CNTN4: variants seen among roughly 807,000 people sequenced by gnomAD.
CNTN4 encodes the protein contactin-4.
CNTN4 carries 77 observed loss-of-function variants against 122.5 expected under a neutral mutation model. That is an observed-to-expected ratio of 0.63 (90% CI 0.52 to 0.76). The LOEUF (loss-of-function observed/expected upper bound fraction) is 0.76. CNTN4 is among the 30% of genes least tolerant of loss of function. The pLI is 0.00. For missense variants in CNTN4, 1,256 were observed against 1,259.1 expected (o/e 1.00, Z 0.04); for synonymous variants, 512 against 447.0 (o/e 1.15, Z -1.83).
chr3:2,533,634 C>A (rs1321994750), intron 3 of CNTN4, among the ~76,000 whole-genome samples: 1 of 152,154 alleles, frequency 6.6e-6, no homozygotes, highest in Non-Finnish European at 1.5e-5. Context: ...GATTTATAAT[C>A]CTTTGGGTAT....
chr3:2,827,677 A>G (rs35057543), intron 7 of CNTN4, among the ~76,000 whole-genome samples: 5,877 of 152,304 alleles, frequency 0.039, 168 homozygotes, highest in Non-Finnish European at 0.062. Flanking sequence ...AAGACTTTAC[A>G]GTTAAGGTAA....
chr3:2,902,805 A>G lies in CNTN4; in HGVS notation c.1078-71A>G, dbSNP rs569827054. 69 of 1,511,376 alleles carry G rather than the reference A, an allele frequency of 4.6e-5. No homozygotes were observed. The African/African-American group carries it at 8.2e-4, about 18-fold the overall frequency. The allele number at this position is 1,511,376 out of a possible 1,614,324, so 93.6% of individuals were successfully genotyped here. ...TCCCATTAAGCTTCCTTGATATTAC[A>G]CATGGTAAAATTGCCTTAAAGTCTC... On this transcript the variant is annotated intron_variant, in intron 11 of 24. Coordinates refer to ENST00000418658, the MANE Select transcript of CNTN4 (RefSeq NM_175607.3).
At chr3:3,049,334 C>A (rs1370493567) in intron 23 of CNTN4, among the ~76,000 whole-genome samples, 2 of 152,226 alleles carry the variant, frequency 1.3e-5, no homozygotes, top group Non-Finnish European at 2.9e-5. Flanking sequence ...CCGCCTGCCT[C>A]AGCCTCCCAA....
At chr3:2,363,747 C>G (rs1377625354) in intron 3 of CNTN4, among the ~76,000 whole-genome samples, 1 of 152,164 alleles carries the variant, frequency 6.6e-6, no homozygotes, top group Non-Finnish European at 1.5e-5. Flanking sequence ...TAGAGAATAA[C>G]TGGTCAGCAT....
rs147335540 is a variant in CNTN4 at position 2,596,984 on chromosome 3, C to T, written c.55+25426C>T. On this transcript the variant is annotated intron_variant, in intron 4 of 24. Coordinates refer to ENST00000418658, the MANE Select transcript of CNTN4 (RefSeq NM_175607.3). ...ATTTTTTTTTTAAATTTGAGTTTCT[C>T]TGGCTTCTGCACATAGCCCATATAA... Among the ~76,000 whole-genome samples the T allele has an allele frequency of 1.6e-3, 243 of 152,088 alleles. 1 individual carries two copies. Among genetic ancestry groups the T allele is most frequent in the African/African-American group, 5.8e-3 (241 of 41,484 alleles).
intron 2 of CNTN4, among the ~76,000 whole-genome samples, chr3:2,128,018 A>G (rs1167118392): frequency 6.6e-6 from 1 of 152,212 alleles, no homozygotes; most frequent in Non-Finnish European, 1.5e-5. Context: ...ACCCTAATTT[A>G]TGTTTCAAAC....
chr3:2,728,726 A>C (rs2088423319), intron 4 of CNTN4, among the ~76,000 whole-genome samples: 1 of 152,330 alleles, frequency 6.6e-6, no homozygotes, highest in South Asian at 2.1e-4. Context: ...CCCAGGTACA[A>C]CTCATATCTA....
chr3:2,254,697 A>C (rs1197571883), intron 2 of CNTN4, among the ~76,000 whole-genome samples: 2 of 152,120 alleles, frequency 1.3e-5, no homozygotes, highest in East Asian at 3.9e-4. Context: ...TCTTTTGAGA[A>C]GTGTCTGTTC....
intron 15 of CNTN4, among the ~76,000 whole-genome samples, chr3:3,026,673 C>T (rs1698750376): frequency 6.6e-6 from 1 of 152,066 alleles, no homozygotes; most frequent in Admixed American, 6.6e-5. Context: ...GGATAGTTTC[C>T]TTCTGTTTTT....
intron 6 of CNTN4, among the ~76,000 whole-genome samples, chr3:2,745,975 CTG>C (rs1198015454): frequency 1.3e-5 from 2 of 151,736 alleles, no homozygotes; most frequent in African/African-American, 4.8e-5. Flanking sequence ...AATTCACACA[CTG>C]AGATTGACAC....
intron 2 of CNTN4, among the ~76,000 whole-genome samples, chr3:2,311,838 G>A (rs1173339817): frequency 2.0e-5 from 3 of 151,998 alleles, no homozygotes; most frequent in Non-Finnish European, 2.9e-5. Context: ...AAGCAATTAC[G>A]TTTCCTTCTT....
intron 2 of CNTN4, among the ~76,000 whole-genome samples, chr3:2,212,048 A>G (rs2038645036): frequency 6.6e-6 from 1 of 152,112 alleles, no homozygotes; most frequent in African/African-American, 2.4e-5. Context: ...ATCACAGCTC[A>G]CTGTAACCGC....
chr3:2,102,996 G>A (rs28642059), intron 2 of CNTN4, among the ~76,000 whole-genome samples: 178 of 150,874 alleles, frequency 1.2e-3, no homozygotes, highest in African/African-American at 4.2e-3. Flanking sequence ...CATACATAAT[G>A]CTTACTATTA....
intron 13 of CNTN4, among the ~76,000 whole-genome samples, chr3:2,938,558 C>T (rs1156456392): frequency 6.6e-6 from 1 of 152,140 alleles, no homozygotes; most frequent in Non-Finnish European, 1.5e-5. Flanking sequence ...ACCAGGTTTG[C>T]CTGAGGAAGG....
chr3:2,873,107 G>C (rs2093804858), intron 8 of CNTN4, among the ~76,000 whole-genome samples: 1 of 152,180 alleles, frequency 6.6e-6, no homozygotes, highest in Non-Finnish European at 1.5e-5. Flanking sequence ...AAGAGGGCAA[G>C]TAAAGGGATT....
chr3:2,578,774 C>A (rs896243872), intron 4 of CNTN4, among the ~76,000 whole-genome samples: 1 of 152,080 alleles, frequency 6.6e-6, no homozygotes, highest in Non-Finnish European at 1.5e-5. Flanking sequence ...GCTCTACGCT[C>A]TCTCATAACT....
At chr3:2,215,986 C>T (rs550708446) in intron 2 of CNTN4, among the ~76,000 whole-genome samples, 4 of 150,882 alleles carry the variant, frequency 2.7e-5, no homozygotes, top group Non-Finnish European at 4.4e-5. Flanking sequence ...GGCAATTCCT[C>T]AAAGAACTAA....
chr3:2,725,370 C>T (rs374397919), intron 4 of CNTN4, among the ~76,000 whole-genome samples: 3 of 152,126 alleles, frequency 2.0e-5, no homozygotes, highest in Non-Finnish European at 4.4e-5. Flanking sequence ...GGAAAGGCCA[C>T]GGAATCCTAT....
rs368621934 is a variant in CNTN4, at chr3:2,735,688, G to A, written c.56-527G>A. On this transcript the variant is annotated intron_variant, in intron 4 of 24. Coordinates refer to ENST00000418658, the MANE Select transcript of CNTN4 (RefSeq NM_175607.3). ...AATGTGAGAATAAAGACTGTAGGTT[G>A]TTCTTTATTTGCATACATAGTCATT... 7.9e-5 allele frequency among the ~76,000 whole-genome samples: 12 copies of A among 152,244 alleles called. No homozygotes were observed. The South Asian group carries it at 2.5e-3, about 32-fold the overall frequency.
Sources: allele counts gnomAD v4.1 joint callset (sites outside exome capture counted in the v4.1 genomes callset), GRCh38; gene constraint gnomAD v4.1.1; transcripts MANE v1.5; gene names NCBI Gene and HGNC (gene_info 2026-07-23, HGNC 2026-07-21).